IMPACT: variants seen among roughly 807,000 people sequenced by gnomAD.
The protein encoded by IMPACT is impact RWD domain protein, also known as protein IMPACT.
A neutral mutation model predicts 47.5 loss-of-function variants in IMPACT; 35 were observed. The ratio of observed to expected loss-of-function variants is 0.74; its 90% CI spans 0.56 to 0.98. The LOEUF (loss-of-function observed/expected upper bound fraction) is 0.98, where lower values mean the gene tolerates loss of function less well. IMPACT is among the 50% of genes least tolerant of loss of function. The pLI, the probability that IMPACT is intolerant of heterozygous loss-of-function variation, is 0.00. For missense variants in IMPACT, 373 were observed against 394.8 expected (o/e 0.94, Z 0.47); for synonymous variants, 118 against 125.6 (o/e 0.94, Z 0.40).
chr18:24,452,063 ACTTCC>A lies in IMPACT; in HGVS notation c.*1223_*1227del, dbSNP rs1411775728. 6.6e-6 allele frequency: 1 copy of A among 152,190 alleles called. No homozygotes were observed. Among genetic ancestry groups the A allele is most frequent in the Non-Finnish European group, 1.5e-5 (1 of 68,046 alleles). 9.4% of individuals were successfully genotyped at this position (152,190 alleles called of 1,614,324 possible). A position where few individuals can be genotyped will look rare whatever the true frequency, so the allele number is the denominator to read the frequency against. On this transcript the variant is annotated 3_prime_UTR_variant, in exon 11 of 11. Coordinates refer to ENST00000284202, the MANE Select transcript of IMPACT (RefSeq NM_018439.4). ...ATTAACTGATCACAGATTTGCCTGG[ACTTCC>A]CTTCCCAGGGAGGGAACAGAAGTTA...
In IMPACT at chr18:24,453,087, T is replaced by C. The variant is rs780536780; in HGVS notation, c.*2240T>C. On this transcript the variant is annotated 3_prime_UTR_variant, in exon 11 of 11. Coordinates refer to ENST00000284202, the MANE Select transcript of IMPACT (RefSeq NM_018439.4). Reference sequence around the variant, plus strand: ...TGGCCTGCTTTGACATATTTTATAGTGTGTTAATTACAAATAGTCTTCATA... The same window carrying C: ...TGGCCTGCTTTGACATATTTTATAGCGTGTTAATTACAAATAGTCTTCATA... The C allele has an allele frequency of 1.3e-5, 2 of 152,216 alleles. No homozygotes were observed. Among genetic ancestry groups the C allele is most frequent in the African/African-American group, 4.8e-5 (2 of 41,462 alleles). The allele number at this position is 152,216 out of a possible 1,614,324, so 9.4% of individuals were successfully genotyped here. A position where few individuals can be genotyped will look rare whatever the true frequency, so the allele number is the denominator to read the frequency against.
chr18:24,448,720 T>A (rs149016390), intron 9 of IMPACT, among the ~76,000 whole-genome samples: 2 of 152,246 alleles, frequency 1.3e-5, no homozygotes, highest in Non-Finnish European at 1.5e-5. Context: ...TGTTCTGTTT[T>A]ATGGCTCCAA....
chr18:24,441,410 C>T (rs528799133), intron 6 of IMPACT, among the ~76,000 whole-genome samples: 2 of 152,250 alleles, frequency 1.3e-5, no homozygotes, highest in Admixed American at 1.3e-4. Context: ...CCAGGCTGAC[C>T]TCAAATGACC....
chr18:24,433,421 G>T (rs1427971076), intron 4 of IMPACT, among the ~76,000 whole-genome samples: 1 of 147,638 alleles, frequency 6.8e-6, no homozygotes, highest in Non-Finnish European at 1.5e-5. Context: ...GGATGGTCTC[G>T]ATCTCCTGAC....
chr18:24,445,868 G>A (rs1599767361), intron 8 of IMPACT, among the ~76,000 whole-genome samples: 3 of 151,820 alleles, frequency 2.0e-5, no homozygotes, highest in South Asian at 4.1e-4. Context: ...AGTTTTTCAT[G>A]TTTTTCACCA....
At chr18:24,433,237 G>T (rs1351337055) in intron 4 of IMPACT, among the ~76,000 whole-genome samples, 1 of 117,354 alleles carries the variant, frequency 8.5e-6, no homozygotes, top group Non-Finnish European at 1.6e-5. Context: ...CTGTCGCCCA[G>T]GCCGGACTGC....
Position 24,450,906 on chromosome 18 carries a change from T to A in IMPACT, c.*59T>A. 4.9e-6 allele frequency: 5 copies of A among 1,016,600 alleles called. No individual in the cohort carries two copies. The highest frequency in any genetic ancestry group is 7.6e-6 in the Non-Finnish European group (5 of 656,814). The allele number at this position is 1,016,600 out of a possible 1,614,324, so 63.0% of individuals were successfully genotyped here. A position where few individuals can be genotyped will look rare whatever the true frequency, so the allele number is the denominator to read the frequency against. ...TAATTATATATACATTCCATAGTCA[T>A]CAAGGAATATATTGTGCAGAGAGAG... On this transcript the variant is annotated 3_prime_UTR_variant, in exon 11 of 11. Transcript: ENST00000284202.
intron 8 of IMPACT, 36 bp downstream of exon 8, chr18:24,445,502 T>C: frequency 7.9e-7 from 1 of 1,265,542 alleles, no homozygotes; most frequent in Non-Finnish European, 1.1e-6. Context: ...ATACTCAGTT[T>C]GTTAAAAATA....
In IMPACT at chr18:24,440,612, C is replaced by G; in HGVS notation, c.484C>G (p.Arg162Gly). ...KALDFDISET[R>G]TEVEVEELPP... Reference sequence around the variant, plus strand: ...ATTGGATTTTGATATCAGTGAAACTCGGACAGGTATAATGTTACTAACTAA... The same window carrying G: ...ATTGGATTTTGATATCAGTGAAACTGGGACAGGTATAATGTTACTAACTAA... Residue 162 changes from arginine to glycine, a missense_variant, in exon 6 of 11, where the codon CGG (arginine) becomes GGG (glycine). Transcript: ENST00000284202. The G allele has an allele frequency of 6.2e-7, 1 of 1,612,618 alleles. No individual in the cohort carries two copies. Among genetic ancestry groups the G allele is most frequent in the Non-Finnish European group, 8.5e-7 (1 of 1,179,280 alleles).
chr18:24,434,976 A>C (rs946726565), intron 4 of IMPACT, among the ~76,000 whole-genome samples: 2 of 145,060 alleles, frequency 1.4e-5, no homozygotes, highest in African/African-American at 5.4e-5. Flanking sequence ...TGTTGTACCT[A>C]CTTTTTTTTT....
rs75628269 is a variant in IMPACT at position 24,428,550 on chromosome 18, A to C, written c.166-319A>C. ...ATGTACTTTCAACATAAAGGATGCA[A>C]AACAGTTTTTGCCAGTGTTTGTTTT... is the stretch of plus-strand genomic sequence containing the variant. On this transcript the variant is annotated intron_variant, in intron 2 of 10. Transcript: ENST00000284202. Among the ~76,000 whole-genome samples, 1,492 of 152,330 alleles carry C rather than the reference A, an allele frequency of 9.8e-3. 33 individuals carry two copies. Among genetic ancestry groups the C allele is most frequent in the African/African-American group, 0.035 (1,440 of 41,578 alleles).
intron 7 of IMPACT, among the ~76,000 whole-genome samples, chr18:24,444,151 T>A (rs1170165106): frequency 1.3e-5 from 2 of 152,224 alleles, no homozygotes; most frequent in African/African-American, 2.4e-5. Context: ...GAATCCTATT[T>A]TGTCCCTGGC....
At chr18:24,433,339 A>G (rs1230433963) in intron 4 of IMPACT, among the ~76,000 whole-genome samples, 2 of 149,836 alleles carry the variant, frequency 1.3e-5, no homozygotes, top group Non-Finnish European at 3.0e-5. Flanking sequence ...AGCTGGGACT[A>G]CAGGCGCCCG....
chr18:24,440,359 A>G lies in IMPACT; in HGVS notation c.368-137A>G, dbSNP rs1447599884. The G allele has an allele frequency of 2.3e-5, 18 of 794,120 alleles. No homozygotes were observed. In the East Asian group the frequency reaches 3.6e-4, roughly 16 times the overall value. 49.2% of individuals were successfully genotyped at this position (794,120 alleles called of 1,614,324 possible). On this transcript the variant is annotated intron_variant, in intron 5 of 10. Coordinates refer to ENST00000284202, the MANE Select transcript of IMPACT (RefSeq NM_018439.4). Reference sequence around the variant, plus strand: ...TTTCCTTGCTCCAACTCAGGAATCAACCAGTTCTCCTACGGGCTGAGTGCT... The same window carrying G: ...TTTCCTTGCTCCAACTCAGGAATCAGCCAGTTCTCCTACGGGCTGAGTGCT...
At chr18:24,431,728 A>G (rs1272796104) in intron 4 of IMPACT, among the ~76,000 whole-genome samples, 1 of 148,606 alleles carries the variant, frequency 6.7e-6, no homozygotes, top group African/African-American at 2.5e-5. Context: ...TTGAGATGGA[A>G]GCTCACTCTG....
At chr18:24,434,548 G>A (rs1040330935) in intron 4 of IMPACT, among the ~76,000 whole-genome samples, 11 of 151,892 alleles carry the variant, frequency 7.2e-5, no homozygotes, top group South Asian at 2.1e-4. Context: ...TGAGGCAGGC[G>A]GATCACCTGA....
chr18:24,430,249 G>T, intron 3 of IMPACT, 73 bp from the exon 4 acceptor site: 2 of 1,028,646 alleles, frequency 1.9e-6, no homozygotes, highest in Admixed American at 5.2e-5. Flanking sequence ...AAATTTATTT[G>T]TGATGTAATC....
In IMPACT at chr18:24,453,503, T is replaced by C. The variant is rs1262967236; in HGVS notation, c.*2656T>C. 2 of 149,130 alleles carry C rather than the reference T, an allele frequency of 1.3e-5. No homozygotes were observed. Among genetic ancestry groups the C allele is most frequent in the Non-Finnish European group, 3.0e-5 (2 of 66,304 alleles). The allele number at this position is 149,130 out of a possible 1,614,324, so 9.2% of individuals were successfully genotyped here. A position where few individuals can be genotyped will look rare whatever the true frequency, so the allele number is the denominator to read the frequency against. On this transcript the variant is annotated 3_prime_UTR_variant, in exon 11 of 11. Transcript: ENST00000284202. ...AGAAGTATATTGTTAACATTTTCCA[T>C]GTCAATAAATATTCTTCTATGGCTT...
intron 7 of IMPACT, 103 bp downstream of exon 7, chr18:24,443,255 A>G (rs768188979): frequency 1.9e-6 from 1 of 522,300 alleles, no homozygotes; most frequent in South Asian, 3.3e-5. Context: ...TTATTTTCAT[A>G]TAAGATAAAA....
Sources: gnomAD v4.1 joint callset for allele counts (sites outside exome capture counted in the v4.1 genomes callset) on GRCh38, gnomAD v4.1.1 for gene constraint, MANE v1.5 for transcripts, NCBI Gene and HGNC (gene_info 2026-07-23, HGNC 2026-07-21) for gene names.